The following COL26A1 variants were observed in gnomAD, a reference collection of about 807,000 sequenced individuals.
COL26A1 encodes collagen alpha-1(XXVI) chain.
COL26A1 carries 41 observed loss-of-function variants against 59.3 expected under a neutral mutation model. That is an observed-to-expected ratio of 0.69 (90% CI 0.54 to 0.90). The LOEUF is 0.90. Among genes scored for constraint, COL26A1 ranks in the 40% least tolerant of loss-of-function variants. COL26A1 has a pLI of 0.00. For synonymous variants in COL26A1, 266 were observed against 256.0 expected (o/e 1.04, Z -0.37); for missense variants, 612 against 602.3 (o/e 1.02, Z -0.17).
At chr7:101,397,295 C>A (rs1203350462) in intron 1 of COL26A1, among the ~76,000 whole-genome samples, 1 of 152,158 alleles carries the variant, frequency 6.6e-6, no homozygotes, top group Admixed American at 6.5e-5. Flanking sequence ...GGATCTGGTG[C>A]TTAGAAAGGG....
chr7:101,366,645 C>T (rs1267841929), intron 1 of COL26A1, among the ~76,000 whole-genome samples: 2 of 151,758 alleles, frequency 1.3e-5, no homozygotes, highest in Non-Finnish European at 2.9e-5. Context: ...GGACCATAGG[C>T]ATGGGCCACC....
intron 3 of COL26A1, among the ~76,000 whole-genome samples, chr7:101,491,384 T>C (rs777440480): frequency 1.1e-4 from 17 of 152,044 alleles, no homozygotes; most frequent in Non-Finnish European, 1.9e-4. Flanking sequence ...AAATGTGTGG[T>C]TGTGTTACAA....
intron 1 of COL26A1, among the ~76,000 whole-genome samples, chr7:101,367,277 G>A (rs887568307): frequency 1.8e-4 from 28 of 152,180 alleles, no homozygotes; most frequent in Admixed American, 7.9e-4. Flanking sequence ...ATCCTCCAAT[G>A]TGGTGGTATT....
At position 101,403,700 on chromosome 7, in the gene COL26A1, CCTCTT is replaced by C. The variant is rs755442006; in HGVS notation, c.159-16269_159-16265del. 2.6e-4 allele frequency among the ~76,000 whole-genome samples: 40 copies of C among 152,260 alleles called. No homozygotes were observed. In the East Asian group the frequency reaches 4.6e-3, roughly 18 times the overall value. On this transcript the variant is annotated intron_variant, in intron 1 of 12. Coordinates refer to ENST00000313669, the MANE Select transcript of COL26A1 (RefSeq NM_001278563.3). The stretch of plus-strand genomic sequence containing the variant: ...CCTAAACCATCTTTTCAATGGCAGT[CCTCTT>C]CTCTTCTGTTGGCCCACATTTTAAA...
chr7:101,538,256 T>G (rs943450660), intron 4 of COL26A1, among the ~76,000 whole-genome samples: 1 of 152,144 alleles, frequency 6.6e-6, no homozygotes, highest in Non-Finnish European at 1.5e-5. Context: ...CCTTCTCTCC[T>G]CCTGGAGATT....
chr7:101,550,210 C>T (rs553345838), intron 9 of COL26A1, among the ~76,000 whole-genome samples: 148 of 152,312 alleles, frequency 9.7e-4, no homozygotes, highest in African/African-American at 2.7e-3. Flanking sequence ...CCTGTAATCC[C>T]AGCACTTTGG....
chr7:101,523,104 T>C (rs1795172027), intron 3 of COL26A1, among the ~76,000 whole-genome samples: 2 of 151,872 alleles, frequency 1.3e-5, no homozygotes, highest in African/African-American at 4.8e-5. Flanking sequence ...AGTTTTGCTC[T>C]TGTTGCCCAG....
At position 101,451,739 on chromosome 7, in the gene COL26A1, C is replaced by T. The variant is rs191629390; in HGVS notation, c.385+3952C>T. ...TTTTTTTTTTTGACGGAGTCTCGCT[C>T]TGTTGCCCAGGCTGGAGTGCAGTGG... On this transcript the variant is annotated intron_variant, in intron 3 of 12. Transcript: ENST00000313669. 1.1e-3 allele frequency among the ~76,000 whole-genome samples: 157 copies of T among 144,574 alleles called. 1 individual carries two copies. In the East Asian group the frequency reaches 0.028, roughly 26 times the overall value. The allele number at this position is 144,574 out of a possible 152,430, so 94.8% of individuals were successfully genotyped here.
intron 3 of COL26A1, among the ~76,000 whole-genome samples, chr7:101,499,712 A>T (rs905511908): frequency 4.0e-5 from 6 of 151,664 alleles, no homozygotes; most frequent in African/African-American, 1.5e-4. Context: ...AATATTAAAA[A>T]ATAAAAATAA....
intron 3 of COL26A1, among the ~76,000 whole-genome samples, chr7:101,511,075 G>A (rs1195663372): frequency 6.6e-6 from 1 of 151,628 alleles, no homozygotes; most frequent in Non-Finnish European, 1.5e-5. Flanking sequence ...TAAGTTTTTT[G>A]TATTTTTAGT....
chr7:101,545,064 T>A (rs991117461), intron 6 of COL26A1, among the ~76,000 whole-genome samples: 3 of 152,182 alleles, frequency 2.0e-5, no homozygotes, highest in African/African-American at 7.2e-5. Flanking sequence ...AATGGGCCTC[T>A]GGCCAGAGCC....
chr7:101,544,693 T>C (rs1181512171), intron 6 of COL26A1, among the ~76,000 whole-genome samples: 1 of 151,440 alleles, frequency 6.6e-6, no homozygotes, highest in Non-Finnish European at 1.5e-5. Context: ...CCACCATGCC[T>C]GGCTAATTTT....
intron 1 of COL26A1, among the ~76,000 whole-genome samples, chr7:101,369,363 C>T (rs937706051): frequency 1.3e-5 from 2 of 150,702 alleles, no homozygotes; most frequent in Non-Finnish European, 1.5e-5. Flanking sequence ...GCTGAGATCA[C>T]GTCACTGCAC....
intron 1 of COL26A1, among the ~76,000 whole-genome samples, chr7:101,415,406 G>C (rs764112910): frequency 4.6e-5 from 7 of 152,084 alleles, no homozygotes; most frequent in Non-Finnish European, 8.8e-5. Flanking sequence ...TACCCGCCTT[G>C]GTTTCTCAAA....
intron 1 of COL26A1, among the ~76,000 whole-genome samples, chr7:101,405,679 G>A (rs1792112822): frequency 6.6e-6 from 1 of 152,102 alleles, no homozygotes; most frequent in South Asian, 2.1e-4. Context: ...TATAGAAAGC[G>A]CTTGGCACCA....
chr7:101,542,035 C>T (rs192904041), intron 5 of COL26A1, among the ~76,000 whole-genome samples: 1 of 151,816 alleles, frequency 6.6e-6, no homozygotes, highest in Non-Finnish European at 1.5e-5. Context: ...GTCGTGATCT[C>T]GGCTCACTGC....
chr7:101,380,869 G>T lies in COL26A1; in HGVS notation c.158+17679G>T, dbSNP rs530824486. ...ACAGTGAGTAAATTCCATAACTAAC[G>T]AATTGATAATTCATGAGTGGTTATC... On this transcript the variant is annotated intron_variant, in intron 1 of 12. Transcript: ENST00000313669. 5.3e-5 allele frequency among the ~76,000 whole-genome samples: 8 copies of T among 152,254 alleles called. No individual in the cohort carries two copies. In the East Asian group the frequency reaches 1.3e-3, roughly 26 times the overall value.
chr7:101,386,483 C>T (rs1362430786), intron 1 of COL26A1, among the ~76,000 whole-genome samples: 1 of 152,114 alleles, frequency 6.6e-6, no homozygotes, highest in Non-Finnish European at 1.5e-5. Flanking sequence ...TGCAGCGGTG[C>T]ACCGCACCTG....
chr7:101,421,097 C>G (rs1316830934), intron 2 of COL26A1, among the ~76,000 whole-genome samples: 1 of 152,022 alleles, frequency 6.6e-6, no homozygotes, highest in African/African-American at 2.4e-5. Context: ...TCCAGAGAAC[C>G]AATAGGAAGG....
Sources: allele counts gnomAD v4.1 joint callset (sites outside exome capture counted in the v4.1 genomes callset), GRCh38; gene constraint gnomAD v4.1.1; transcripts MANE v1.5; gene names NCBI Gene and HGNC (gene_info 2026-07-23, HGNC 2026-07-21).